The following ARHGDIB variants were observed in gnomAD, a reference collection of about 807,000 sequenced individuals.
The protein encoded by ARHGDIB is rho GDP-dissociation inhibitor 2.
ARHGDIB carries 20 observed loss-of-function variants against 22.6 expected under a neutral mutation model. The ratio of observed to expected loss-of-function variants is 0.88; its 90% CI spans 0.62 to 1.28. The LOEUF (loss-of-function observed/expected upper bound fraction) is 1.28. ARHGDIB is among the 50% of genes most tolerant of loss of function. The pLI, the probability that ARHGDIB is intolerant of heterozygous loss-of-function variation, is 0.00. For synonymous variants in ARHGDIB, 114 were observed against 96.1 expected (o/e 1.19, Z -1.09); for missense variants, 254 against 245.4 (o/e 1.04, Z -0.23).
rs1864053959 is a variant in ARHGDIB, at chr12:14,947,752, GC to G, written c.342+120del. ...CTGGGAAGAGGACATTCCAGACCCA[GC>G]TTGGGGGTACTAGGGGAGAAACAAA... On this transcript the variant is annotated intron_variant, in intron 4 of 5. Transcript: ENST00000228945. 5.9e-6 allele frequency: 5 copies of G among 842,964 alleles called. No individual in the cohort carries two copies. In the Admixed American group the frequency reaches 1.0e-4, roughly 17 times the overall value. The allele number at this position is 842,964 out of a possible 1,614,324, so 52.2% of individuals were successfully genotyped here.
Position 14,944,778 on chromosome 12 carries a change from T to G in ARHGDIB, c.404A>C (p.Lys135Thr), listed in dbSNP as rs1863969818. The stretch of plus-strand genomic sequence containing the variant: ...TGTGGAAATGTGGGTTCCCTTACCT[T>G]TCACCCCAGTCCTGTAGGTGTGCTG... ...YVQHTYRTGV[K>T]VDKATFMVGS... Residue 135 changes from lysine (K) to threonine (T), a missense_variant and splice_region_variant, in exon 5 of 6, where the codon AAA becomes ACA. Lys to Thr is a moderately conservative substitution (Grantham distance 78). Transcript: ENST00000228945. 3.7e-6 allele frequency: 6 copies of G among 1,612,570 alleles called. No homozygotes were observed. In the South Asian group the frequency reaches 6.6e-5, roughly 18 times the overall value.
rs80114790 is a variant in ARHGDIB, at chr12:14,948,485, G to T, written c.266-536C>A. Among the ~76,000 whole-genome samples the T allele has an allele frequency of 7.2e-3, 1,090 of 152,120 alleles. 15 individuals are homozygous for T. Among genetic ancestry groups the T allele is most frequent in the African/African-American group, 0.025 (1,036 of 41,500 alleles). On this transcript the variant is annotated intron_variant, in intron 3 of 5. Coordinates refer to ENST00000228945, the MANE Select transcript of ARHGDIB (RefSeq NM_001175.7). ...TCACTTTAAGAAAATGTTCACCTTT[G>T]TGTTTACTCTTGTATTTTCATTTGC... is the stretch of plus-strand genomic sequence containing the variant.
At position 14,948,136 on chromosome 12, in the gene ARHGDIB, A is replaced by ACT. The variant is rs1400393029; in HGVS notation, c.266-189_266-188dup. Among the ~76,000 whole-genome samples, 3 of 145,072 alleles carry ACT rather than the reference A, an allele frequency of 2.1e-5. No homozygotes were observed. The East Asian group carries it at 6.0e-4, about 29-fold the overall frequency. On this transcript the variant is annotated intron_variant, in intron 3 of 5. Coordinates refer to ENST00000228945, the MANE Select transcript of ARHGDIB (RefSeq NM_001175.7). ...CACACACACACACACACACACACAC[A>ACT]CTTAATGCCTGAAATCTTACAGCTC... is the stretch of plus-strand genomic sequence containing the variant.
chr12:14,957,885 A>G (rs1273866807), intron 1 of ARHGDIB, among the ~76,000 whole-genome samples: 3 of 149,378 alleles, frequency 2.0e-5, no homozygotes, highest in Admixed American at 6.7e-5. Context: ...AGGAGGGAGA[A>G]GGGAGAAAGA....
At chr12:14,954,880 G>C (rs1450535095) in intron 1 of ARHGDIB, among the ~76,000 whole-genome samples, 2 of 152,064 alleles carry the variant, frequency 1.3e-5, no homozygotes, top group African/African-American at 4.8e-5. Context: ...TGGATATGTT[G>C]ATTTGCTTCA....
chr12:14,944,109 C>A (rs563770693), intron 5 of ARHGDIB, among the ~76,000 whole-genome samples: 1 of 151,494 alleles, frequency 6.6e-6, no homozygotes, highest in African/African-American at 2.4e-5. Flanking sequence ...AGGGGACAGA[C>A]CCTTAGGTAG....
chr12:14,950,245 A>T (rs1309628096), intron 2 of ARHGDIB, among the ~76,000 whole-genome samples: 2 of 152,182 alleles, frequency 1.3e-5, no homozygotes, highest in African/African-American at 4.8e-5. Context: ...ACTGAGAAAG[A>T]GAGAAAATGG....
intron 1 of ARHGDIB, among the ~76,000 whole-genome samples, chr12:14,955,048 C>G (rs780031071): frequency 1.3e-5 from 2 of 152,070 alleles, no homozygotes; most frequent in Non-Finnish European, 2.9e-5. Flanking sequence ...TTTTATTTTA[C>G]TTATTTTTCT....
intron 1 of ARHGDIB, among the ~76,000 whole-genome samples, chr12:14,955,261 A>C (rs1864275114): frequency 6.6e-6 from 1 of 152,218 alleles, no homozygotes. Flanking sequence ...GCAAAAACTA[A>C]GACATAGAAG....
In ARHGDIB at chr12:14,944,782, C is replaced by A; in HGVS notation, c.400G>T (p.Val134Leu). The change falls in exon 5 of 6, where the codon GTG (valine) becomes TTG (leucine). Residue 134 changes from valine (V) to leucine (L), a missense_variant. Transcript: ENST00000228945. ...KYVQHTYRTG[V>L]KVDKATFMVG... is the part of the protein sequence containing the mutation. The stretch of plus-strand genomic sequence containing the variant: ...GAAATGTGGGTTCCCTTACCTTTCA[C>A]CCCAGTCCTGTAGGTGTGCTGAACG... The A allele has an allele frequency of 6.2e-7, 1 of 1,613,148 alleles. No individual in the cohort carries two copies. The highest frequency in any genetic ancestry group is 1.7e-5 in the Admixed American group (1 of 59,880).
At chr12:14,947,741 T>A in intron 4 of ARHGDIB, 132 bp downstream of exon 4, 4 of 761,356 alleles carry the variant, frequency 5.3e-6, no homozygotes, top group Non-Finnish European at 8.7e-6. Flanking sequence ...GAAGAGGACA[T>A]TCCAGACCCA....
At chr12:14,953,954 TTTCCTTCC>T (rs1324202334) in intron 1 of ARHGDIB, among the ~76,000 whole-genome samples, 4 of 145,876 alleles carry the variant, frequency 2.7e-5, no homozygotes, top group African/African-American at 5.5e-5. Flanking sequence ...TCCTTTCTTC[TTTCCTTCC>T]TTCCTTCCTT....
chr12:14,953,225 G>C lies in ARHGDIB; in HGVS notation c.-12-2501C>G, dbSNP rs189610472. ...CTGTGGGATTTCTGTACAAAATTTT[G>C]TTGCAGTCAAAAGGGGGAAATTCAG... On this transcript the variant is annotated intron_variant, in intron 1 of 5. Transcript: ENST00000228945. 3.5e-4 allele frequency among the ~76,000 whole-genome samples: 53 copies of C among 152,226 alleles called. 1 individual carries two copies. In the East Asian group the frequency reaches 9.6e-3, roughly 28 times the overall value.
rs779620521 is a variant in ARHGDIB, at chr12:14,950,659, C to T, written c.54G>A (p.Leu18=). ...PHVEEDDDDE[L]DSKLNYKPPP... Reference sequence around the variant, plus strand: ...GAGGCTTATAATTGAGCTTGCTGTCCAGCTCATCATCGTCATCCTCCTCCA... The same window carrying T: ...GAGGCTTATAATTGAGCTTGCTGTCTAGCTCATCATCGTCATCCTCCTCCA... Residue 18 remains leucine (L), a synonymous_variant, in exon 2 of 6, where the codon CTG becomes CTA. Coordinates refer to ENST00000228945, the MANE Select transcript of ARHGDIB (RefSeq NM_001175.7). 2.5e-6 allele frequency: 4 copies of T among 1,613,740 alleles called. No homozygotes were observed. The highest frequency in any genetic ancestry group is 2.7e-5 in the African/African-American group (2 of 74,888).
At position 14,942,693 on chromosome 12, in the gene ARHGDIB, G is replaced by T. The variant is rs1427445759; in HGVS notation, c.435C>A (p.Ser145Arg). 1 of 1,614,064 alleles carries T rather than the reference G, an allele frequency of 6.2e-7. No individual in the cohort carries two copies. Among genetic ancestry groups the T allele is most frequent in the South Asian group, 1.1e-5 (1 of 91,084 alleles). Residue 145 changes from serine (S) to arginine (R), a missense_variant, in exon 6 of 6, where the codon AGC becomes AGA. Coordinates refer to ENST00000228945, the MANE Select transcript of ARHGDIB (RefSeq NM_001175.7). The part of the protein sequence containing the change: ...KVDKATFMVG[S>R]YGPRPEEYEF... Reference sequence around the variant, plus strand: ...CATACTCCTCAGGCCGAGGTCCATAGCTGCCAACCATAAATGTTGCTTTAT... The same window carrying T: ...CATACTCCTCAGGCCGAGGTCCATATCTGCCAACCATAAATGTTGCTTTAT...
intron 1 of ARHGDIB, among the ~76,000 whole-genome samples, chr12:14,952,606 T>C (rs772492286): frequency 2.0e-5 from 3 of 152,298 alleles, no homozygotes; most frequent in Non-Finnish European, 4.4e-5. Context: ...AGGCAGCGTG[T>C]AGATGTTGTA....
At chr12:14,949,545 A>G (rs976314562) in intron 3 of ARHGDIB, among the ~76,000 whole-genome samples, 1 of 152,240 alleles carries the variant, frequency 6.6e-6, no homozygotes, top group South Asian at 2.1e-4. Flanking sequence ...TTCTCTTACT[A>G]TCATGTGGAG....
chr12:14,958,233 C>T (rs1244518324), intron 1 of ARHGDIB, among the ~76,000 whole-genome samples: 1 of 152,188 alleles, frequency 6.6e-6, no homozygotes, highest in East Asian at 1.9e-4. Context: ...CTCCCCACCG[C>T]CCCTGTCCCT....
At position 14,942,714 on chromosome 12, in the gene ARHGDIB, T is replaced by C. The variant is rs1455132067; in HGVS notation, c.414A>G (p.Lys138=). 1.1e-5 allele frequency: 17 copies of C among 1,613,804 alleles called. No homozygotes were observed. Among genetic ancestry groups the C allele is most frequent in the East Asian group, 2.2e-5 (1 of 44,884 alleles). The part of the protein sequence containing the change: ...HTYRTGVKVD[K]ATFMVGSYGP... ...CATAGCTGCCAACCATAAATGTTGCTTTATCCACTAAGAAGAAAGAAGAGT... is the reference window on the plus strand; with the variant it reads ...CATAGCTGCCAACCATAAATGTTGCCTTATCCACTAAGAAGAAAGAAGAGT... The change falls in exon 6 of 6, where the codon AAA becomes AAG. Residue 138 remains lysine (K), a synonymous_variant. Transcript: ENST00000228945.
Sources: allele counts gnomAD v4.1 joint callset (sites outside exome capture counted in the v4.1 genomes callset), GRCh38; gene constraint gnomAD v4.1.1; transcripts MANE v1.5; gene names NCBI Gene and HGNC (gene_info 2026-07-23, HGNC 2026-07-21).